Variants in SLC8A1 observed in about 807,000 individuals in gnomAD.
SLC8A1 encodes the protein sodium/calcium exchanger 1.
In SLC8A1, 18 loss-of-function variants were observed where a neutral mutation model predicts 68.3. The observed-to-expected ratio is 0.26, with a 90% confidence interval of 0.18 to 0.39. The LOEUF is 0.39. SLC8A1 is among the 10% of genes least tolerant of loss of function. The pLI is 1.00. For synonymous variants in SLC8A1, 475 were observed against 415.5 expected (o/e 1.14, Z -1.74); for missense variants, 985 against 1,156.7 (o/e 0.85, Z 2.15).
chr2:40,207,755 G>C (rs1353820517), intron 2 of SLC8A1, among the ~76,000 whole-genome samples: 2 of 152,130 alleles, frequency 1.3e-5, no homozygotes, highest in African/African-American at 4.8e-5. Context: ...ACGGTGTGTA[G>C]TGCCAGGGCT....
Position 40,290,435 on chromosome 2 carries a change from A to T in SLC8A1, c.1809-112580T>A, listed in dbSNP as rs1039218829. ...ACAATTTATTCATCCCCTTCTATAG[A>T]ATATATGCTTCTAGAGAAGCAGGTG... On this transcript the variant is annotated intron_variant, in intron 2 of 7. Transcript: ENST00000406785. 3.9e-5 allele frequency among the ~76,000 whole-genome samples: 6 copies of T among 152,046 alleles called. 1 individual carries two copies. The highest frequency in any genetic ancestry group is 3.9e-4 in the Admixed American group (6 of 15,250).
At chr2:40,436,174 C>CT (rs35871086) in intron 1 of SLC8A1, among the ~76,000 whole-genome samples, 1 of 151,822 alleles carries the variant, frequency 6.6e-6, no homozygotes, top group Non-Finnish European at 1.5e-5. Context: ...ATTTTCATTT[C>CT]TTTTTTTTCA....
intron 2 of SLC8A1, among the ~76,000 whole-genome samples, chr2:40,273,252 CTTTT>C (rs541362631): frequency 4.2e-5 from 6 of 144,474 alleles, no homozygotes; most frequent in Non-Finnish European, 7.6e-5. Flanking sequence ...TCCAAATACT[CTTTT>C]TTTTTTTTGT....
At chr2:40,466,153 T>C (rs1041065576) in intron 1 of SLC8A1, among the ~76,000 whole-genome samples, 2 of 152,084 alleles carry the variant, frequency 1.3e-5, no homozygotes, top group African/African-American at 2.4e-5. Context: ...AAGGGGGAAA[T>C]TGAGTCCGAA....
At chr2:40,248,573 C>T (rs1276995445) in intron 2 of SLC8A1, among the ~76,000 whole-genome samples, 1 of 152,148 alleles carries the variant, frequency 6.6e-6, no homozygotes, top group African/African-American at 2.4e-5. Flanking sequence ...TTGTTATAAG[C>T]CACCTAGTCT....
chr2:40,428,464 A>C lies in SLC8A1; in HGVS notation c.1808+9T>G. ...ACACACACACACACATATATAATAT[A>C]GAACTTACACAATTTCATCATTCTG... On this transcript the variant is annotated intron_variant, in intron 2 of 7. Coordinates refer to ENST00000406785, the Ensembl canonical transcript of SLC8A1. 1 of 1,568,202 alleles carries C rather than the reference A, an allele frequency of 6.4e-7. No homozygotes were observed. The highest frequency in any genetic ancestry group is 8.6e-7 in the Non-Finnish European group (1 of 1,159,870).
intron 2 of SLC8A1, among the ~76,000 whole-genome samples, chr2:40,247,277 C>A (rs1287985554): frequency 6.6e-6 from 1 of 152,186 alleles, no homozygotes; most frequent in Admixed American, 6.5e-5. Context: ...CAGTGCTCAG[C>A]TTGGCTTAGT....
intron 2 of SLC8A1, among the ~76,000 whole-genome samples, chr2:40,377,326 A>C (rs1055533226): frequency 6.6e-6 from 1 of 152,092 alleles, no homozygotes; most frequent in South Asian, 2.1e-4. Flanking sequence ...CAAGCATCAC[A>C]TAAGACCCCA....
chr2:40,356,421 A>G (rs1425830926), intron 2 of SLC8A1, among the ~76,000 whole-genome samples: 2 of 152,194 alleles, frequency 1.3e-5, no homozygotes, highest in African/African-American at 2.4e-5. Flanking sequence ...AAAACAATTT[A>G]TAATGCATTT....
At chr2:40,356,382 A>G (rs915527524) in intron 2 of SLC8A1, among the ~76,000 whole-genome samples, 11 of 152,214 alleles carry the variant, frequency 7.2e-5, no homozygotes, top group African/African-American at 2.7e-4. Context: ...GACCACAGAG[A>G]ATCTAGTTCA....
intron 2 of SLC8A1, among the ~76,000 whole-genome samples, chr2:40,407,543 C>G (rs1352198412): frequency 6.6e-6 from 1 of 152,078 alleles, no homozygotes; most frequent in Non-Finnish European, 1.5e-5. Flanking sequence ...ATTTTTAATC[C>G]TCCACCTCAG....
intron 2 of SLC8A1, among the ~76,000 whole-genome samples, chr2:40,369,705 C>A (rs185267556): frequency 1.3e-5 from 2 of 152,138 alleles, no homozygotes; most frequent in East Asian, 1.9e-4. Flanking sequence ...GGCAAGTAAA[C>A]TGGATTTTCT....
chr2:40,385,800 A>G (rs143542558), intron 2 of SLC8A1, among the ~76,000 whole-genome samples: 31 of 151,460 alleles, frequency 2.0e-4, no homozygotes, highest in African/African-American at 6.6e-4. Context: ...AGTGTAAAAT[A>G]TGTAATGACA....
chr2:40,224,437 A>G (rs956896318), intron 2 of SLC8A1, among the ~76,000 whole-genome samples: 1 of 152,104 alleles, frequency 6.6e-6, no homozygotes, highest in Non-Finnish European at 1.5e-5. Flanking sequence ...GCAGAATACG[A>G]GGGAGATAAC....
chr2:40,325,777 C>CAAAAAAAAAAAAA (rs3059526), intron 2 of SLC8A1, among the ~76,000 whole-genome samples: 1 of 45,004 alleles, frequency 2.2e-5, no homozygotes, highest in Non-Finnish European at 4.3e-5. Context: ...ACTAAAAATA[C>CAAAAAAAAAAAAA]AAAAAAAAAA....
intron 2 of SLC8A1, among the ~76,000 whole-genome samples, chr2:40,300,818 C>A (rs896312895): frequency 3.3e-5 from 5 of 152,042 alleles, no homozygotes; most frequent in Non-Finnish European, 7.4e-5. Context: ...TCTTTTTTGG[C>A]AGAATGATCT....
chr2:40,411,027 T>G (rs1348353505), intron 2 of SLC8A1, among the ~76,000 whole-genome samples: 1 of 152,046 alleles, frequency 6.6e-6, no homozygotes, highest in East Asian at 1.9e-4. Flanking sequence ...ATAATTAAGT[T>G]TTTTTAGATT....
chr2:40,350,683 T>C lies in SLC8A1; in HGVS notation c.1808+77790A>G, dbSNP rs182906091. The stretch of plus-strand genomic sequence containing the variant: ...TAAATTTGTCTTAACATTAGCCTTA[T>C]ATAAGTATATCTTTTATTGTAAAAG... On this transcript the variant is annotated intron_variant, in intron 2 of 7. Transcript: ENST00000406785. Among the ~76,000 whole-genome samples the C allele has an allele frequency of 2.0e-5, 3 of 149,220 alleles. No individual in the cohort carries two copies. The East Asian group carries it at 5.9e-4, about 30-fold the overall frequency.
At chr2:40,404,144 C>T (rs1406833816) in intron 2 of SLC8A1, among the ~76,000 whole-genome samples, 2 of 152,162 alleles carry the variant, frequency 1.3e-5, no homozygotes, top group African/African-American at 2.4e-5. Context: ...GATCCTCTAC[C>T]TCAGCCTCCA....
Sources: allele counts gnomAD v4.1 joint callset (sites outside exome capture counted in the v4.1 genomes callset), GRCh38; gene constraint gnomAD v4.1.1; transcripts MANE v1.5; gene names NCBI Gene and HGNC (gene_info 2026-07-23, HGNC 2026-07-21).